GTF2F2: variants seen among roughly 807,000 people sequenced by gnomAD.
GTF2F2 encodes the protein general transcription factor IIF subunit 2.
Under a neutral mutation model 42.2 loss-of-function variants are expected in GTF2F2, and 23 were observed. The ratio of observed to expected loss-of-function variants is 0.55; its 90% CI spans 0.39 to 0.77. The LOEUF (loss-of-function observed/expected upper bound fraction) is 0.77. GTF2F2 is among the 30% of genes least tolerant of loss of function. GTF2F2 has a pLI of 0.00. For synonymous variants in GTF2F2, 105 were observed against 100.8 expected (o/e 1.04, Z -0.25); for missense variants, 261 against 287.2 (o/e 0.91, Z 0.66).
At position 45,272,428 on chromosome 13, in the gene GTF2F2, AAAAAAAAAAAAAC is replaced by A. The variant is rs1429830586; in HGVS notation, c.630+5067_630+5079del. On this transcript the variant is annotated intron_variant, in intron 7 of 7. Coordinates refer to ENST00000340473, the MANE Select transcript of GTF2F2 (RefSeq NM_004128.3). ...TATGGTTTTGTTTTGGCTCTTTAAA[AAAAAAAAAAAAAC>A]AAAAAAAAAAAACAGGGTCTGAACA... Among the ~76,000 whole-genome samples the A allele has an allele frequency of 4.9e-4, 70 of 142,712 alleles. No homozygotes were observed. The East Asian group carries it at 0.011, about 22-fold the overall frequency. 93.6% of individuals were successfully genotyped at this position (142,712 alleles called of 152,430 possible).
intron 1 of GTF2F2, among the ~76,000 whole-genome samples, chr13:45,135,797 C>T (rs1869590521): frequency 6.6e-6 from 1 of 152,162 alleles, no homozygotes; most frequent in African/African-American, 2.4e-5. Context: ...TGACACTTGA[C>T]ACTTACTGAG....
At chr13:45,230,946 T>G (rs1874645518) in intron 5 of GTF2F2, among the ~76,000 whole-genome samples, 1 of 152,082 alleles carries the variant, frequency 6.6e-6, no homozygotes, top group African/African-American at 2.4e-5. Flanking sequence ...GCTTTTGTTT[T>G]TTATAAGATT....
At chr13:45,216,116 C>T (rs80104195) in intron 5 of GTF2F2, among the ~76,000 whole-genome samples, 150 of 151,818 alleles carry the variant, frequency 9.9e-4, no homozygotes, top group African/African-American at 3.4e-3. Flanking sequence ...TGGTGGTGCA[C>T]GCTGAGGTGG....
intron 4 of GTF2F2, among the ~76,000 whole-genome samples, chr13:45,206,198 G>T (rs7997195): frequency 0.029 from 4,341 of 152,156 alleles, 189 homozygotes; most frequent in African/African-American, 0.093. Flanking sequence ...AGGGACCCTG[G>T]ATACATTGAT....
intron 4 of GTF2F2, among the ~76,000 whole-genome samples, chr13:45,186,291 T>A (rs920010992): frequency 2.4e-4 from 36 of 149,940 alleles, no homozygotes; most frequent in Admixed American, 1.2e-3. Flanking sequence ...TTTTTTTTTT[T>A]AATTTTAATT....
chr13:45,193,552 T>G, intron 4 of GTF2F2: 1 of 443,798 alleles, frequency 2.3e-6, no homozygotes, highest in Non-Finnish European at 4.0e-6. Flanking sequence ...TTATTTACAG[T>G]ATATAGAAGG....
chr13:45,146,922 A>G (rs1311150703), intron 2 of GTF2F2, among the ~76,000 whole-genome samples: 1 of 152,242 alleles, frequency 6.6e-6, no homozygotes, highest in East Asian at 1.9e-4. Context: ...ACAAAAGGTT[A>G]TGTGTACTTC....
At position 45,164,223 on chromosome 13, in the gene GTF2F2, C is replaced by T. The variant is rs910478610; in HGVS notation, c.304+12392C>T. 9.3e-5 allele frequency among the ~76,000 whole-genome samples: 14 copies of T among 151,086 alleles called. No homozygotes were observed. The South Asian group carries it at 1.9e-3, about 20-fold the overall frequency. On this transcript the variant is annotated intron_variant, in intron 4 of 7. Transcript: ENST00000340473. ...TGAACCCAGGAAGTGGAGGTTGCAG[C>T]GAGCCAGGATTGTGCTACTGCACTC...
chr13:45,169,614 C>T (rs1484977073), intron 4 of GTF2F2, among the ~76,000 whole-genome samples: 1 of 152,134 alleles, frequency 6.6e-6, no homozygotes, highest in Admixed American at 6.5e-5. Context: ...TTGTGTTTTG[C>T]TTTTTTGTTA....
chr13:45,241,506 C>G (rs879560411), intron 5 of GTF2F2, among the ~76,000 whole-genome samples: 1 of 152,244 alleles, frequency 6.6e-6, no homozygotes, highest in South Asian at 2.1e-4. Context: ...CAATTAAGCA[C>G]TTGAAATGTG....
chr13:45,208,274 T>C (rs1336521244), intron 5 of GTF2F2, among the ~76,000 whole-genome samples: 1 of 152,218 alleles, frequency 6.6e-6, no homozygotes, highest in Non-Finnish European at 1.5e-5. Context: ...AATTTTTATG[T>C]GGTTAACATT....
At chr13:45,272,429 A>AAAC (rs1555273475) in intron 7 of GTF2F2, among the ~76,000 whole-genome samples, 84 of 142,936 alleles carry the variant, frequency 5.9e-4, no homozygotes, top group African/African-American at 2.1e-3. Context: ...CTCTTTAAAA[A>AAAC]AAAAAAAAAA....
intron 7 of GTF2F2, among the ~76,000 whole-genome samples, chr13:45,272,262 T>G (rs1448774143): frequency 6.6e-6 from 1 of 151,106 alleles, no homozygotes; most frequent in African/African-American, 2.4e-5. Flanking sequence ...CTATTAACTA[T>G]GTTGACTATA....
chr13:45,234,381 AATC>A (rs1383155220), intron 5 of GTF2F2, among the ~76,000 whole-genome samples: 3 of 152,208 alleles, frequency 2.0e-5, no homozygotes, highest in African/African-American at 4.8e-5. Context: ...TAGATTTGTA[AATC>A]ATCAACTATT....
intron 7 of GTF2F2, among the ~76,000 whole-genome samples, chr13:45,283,019 A>G (rs866809102): frequency 5.9e-4 from 90 of 152,206 alleles, no homozygotes; most frequent in African/African-American, 2.0e-3. Context: ...CATTTTTTTT[A>G]TATGCTACTG....
intron 1 of GTF2F2, among the ~76,000 whole-genome samples, chr13:45,136,299 C>T (rs1869616702): frequency 6.6e-6 from 1 of 152,234 alleles, no homozygotes. Flanking sequence ...TTAGCAGCCT[C>T]TTCTTCACAG....
chr13:45,279,354 A>T lies in GTF2F2; in HGVS notation c.631-4088A>T, dbSNP rs569037638. On this transcript the variant is annotated intron_variant, in intron 7 of 7. Transcript: ENST00000340473. ...GCTCTGTCACCAACAATATTTTAGC[A>T]CTAAAATGCAGATTTTAGTAATAAG... Among the ~76,000 whole-genome samples, 4 of 152,358 alleles carry T rather than the reference A, an allele frequency of 2.6e-5. No individual in the cohort carries two copies. In the South Asian group the frequency reaches 8.3e-4, roughly 32 times the overall value.
At chr13:45,273,526 T>A (rs1270015612) in intron 7 of GTF2F2, among the ~76,000 whole-genome samples, 4 of 152,178 alleles carry the variant, frequency 2.6e-5, no homozygotes, top group African/African-American at 4.8e-5. Context: ...GGTATTTATT[T>A]ATATAGAATT....
intron 5 of GTF2F2, among the ~76,000 whole-genome samples, chr13:45,210,754 T>C (rs1873599063): frequency 6.6e-6 from 1 of 152,196 alleles, no homozygotes; most frequent in South Asian, 2.1e-4. Flanking sequence ...TAAAGAGTCT[T>C]AGATACTATG....
Sources: allele counts gnomAD v4.1 joint callset (sites outside exome capture counted in the v4.1 genomes callset), GRCh38; gene constraint gnomAD v4.1.1; transcripts MANE v1.5; gene names NCBI Gene and HGNC (gene_info 2026-07-23, HGNC 2026-07-21).